Variants in GBP4 observed in about 807,000 individuals in gnomAD.
The protein encoded by GBP4 is guanylate-binding protein 4.
GBP4 carries 69 observed loss-of-function variants against 62.2 expected under a neutral mutation model. The ratio of observed to expected loss-of-function variants is 1.11; its 90% CI spans 0.91 to 1.36. The LOEUF is 1.36. Among genes scored for constraint, GBP4 ranks in the 40% most tolerant of loss-of-function variants. GBP4 has a pLI of 0.00. For synonymous variants in GBP4, 278 were observed against 274.6 expected (o/e 1.01, Z -0.12); for missense variants, 697 against 759.3 (o/e 0.92, Z 0.96).
rs1234787875 is a variant in GBP4 at position 89,186,535 on chromosome 1, CA to C, written c.1514-10del. On this transcript the variant is annotated splice_polypyrimidine_tract_variant and intron_variant, in intron 9 of 10. Coordinates refer to ENST00000355754, the MANE Select transcript of GBP4 (RefSeq NM_052941.5). ...CTTCATGGCCCGCTCCGCTATTCCACAAAGGTTTTAGAGAGGGAAGAAAATG... is the reference window on the plus strand; with the variant it reads ...CTTCATGGCCCGCTCCGCTATTCCACAAGGTTTTAGAGAGGGAAGAAAATG... The C allele has an allele frequency of 1.9e-6, 3 of 1,612,976 alleles. No homozygotes were observed. The Admixed American group carries it at 5.0e-5, about 27-fold the overall frequency.
At chr1:89,195,146 G>A in intron 3 of GBP4, 151 bp downstream of exon 3, 1 of 746,062 alleles carries the variant, frequency 1.3e-6, no homozygotes, top group Non-Finnish European at 2.2e-6. Flanking sequence ...CTCAATACTT[G>A]AAATTAATAA....
chr1:89,191,987 A>G (rs142218552), intron 5 of GBP4, among the ~76,000 whole-genome samples: 45 of 152,346 alleles, frequency 3.0e-4, no homozygotes, highest in African/African-American at 1.0e-3. Flanking sequence ...AATAAAAAGT[A>G]TTTCAAAACC....
intron 8 of GBP4, among the ~76,000 whole-genome samples, chr1:89,188,037 C>T (rs683100): frequency 0.42 from 63,575 of 151,902 alleles, 14,621 homozygotes; most frequent in Non-Finnish European, 0.52. Flanking sequence ...CTTTATTAAC[C>T]TCTCCATGCA....
At chr1:89,198,297 A>C (rs1648401555) in intron 1 of GBP4, among the ~76,000 whole-genome samples, 1 of 152,002 alleles carries the variant, frequency 6.6e-6, no homozygotes, top group South Asian at 2.1e-4. Context: ...GTCAGCTTGC[A>C]CAAGTTAAGT....
intron 5 of GBP4, among the ~76,000 whole-genome samples, chr1:89,192,071 A>C (rs12069631): frequency 0.1 from 15,203 of 152,268 alleles, 1,749 homozygotes; most frequent in African/African-American, 0.28. Flanking sequence ...TAAAGTTAAT[A>C]CAGATATAAC....
rs1570378773 is a variant in GBP4, at chr1:89,196,965, A to G, written c.235+145T>C. The G allele has an allele frequency of 1.2e-5, 7 of 575,206 alleles. No individual in the cohort carries two copies. The East Asian group carries it at 2.1e-4, about 17-fold the overall frequency. The allele number at this position is 575,206 out of a possible 1,614,324, so 35.6% of individuals were successfully genotyped here. A position where few individuals can be genotyped will look rare whatever the true frequency, so the allele number is the denominator to read the frequency against. ...TGGACTAAAGAGTGATATATATTTG[A>G]GATTGTAAATTTAGTGGTGAGAATT... On this transcript the variant is annotated intron_variant, in intron 2 of 10. Coordinates refer to ENST00000355754, the MANE Select transcript of GBP4 (RefSeq NM_052941.5).
rs17130745 is a variant in GBP4 at position 89,193,403 on chromosome 1, T to C, written c.373A>G (p.Lys125Glu). 2,129 of 1,613,664 alleles carry C rather than the reference T, an allele frequency of 1.3e-3. 43 individuals are homozygous for C. In the East Asian group the frequency reaches 0.043, roughly 32 times the overall value. Residue 125 changes from lysine to glutamate, a missense_variant, in exon 4 of 11, where the codon AAG (lysine) becomes GAG (glutamate). Transcript: ENST00000355754. ...AGGGCAAAGATCCACGAGTCATTCTTAGGGTTACTCTAGAAAGCATATAAA... is the reference window on the plus strand; with the variant it reads ...AGGGCAAAGATCCACGAGTCATTCTCAGGGTTACTCTAGAAAGCATATAAA... ...GLGDVEKSNP[K>E]NDSWIFALAV...
At chr1:89,189,548 G>C (rs1013078129) in intron 7 of GBP4, among the ~76,000 whole-genome samples, 1 of 152,236 alleles carries the variant, frequency 6.6e-6, no homozygotes, top group Non-Finnish European at 1.5e-5. Flanking sequence ...GAAATGGAGT[G>C]TGCCCTGTTG....
In GBP4 at chr1:89,198,870, G is replaced by A. The variant is rs780280041; in HGVS notation, c.-36C>T. 1.9e-6 allele frequency: 3 copies of A among 1,605,286 alleles called. No individual in the cohort carries two copies. The highest frequency in any genetic ancestry group is 2.6e-6 in the Non-Finnish European group (3 of 1,171,910). On this transcript the variant is annotated 5_prime_UTR_variant, in exon 1 of 11. Coordinates refer to ENST00000355754, the MANE Select transcript of GBP4 (RefSeq NM_052941.5). Reference sequence around the variant, plus strand: ...TCCTGCGCCTGGATCCTCGAGAAACGGACTGTTCTTAGAAGCTGAAAGTCC... The same window carrying A: ...TCCTGCGCCTGGATCCTCGAGAAACAGACTGTTCTTAGAAGCTGAAAGTCC...
chr1:89,186,939 C>G, intron 9 of GBP4, 61 bp downstream of exon 9: 1 of 1,434,400 alleles, frequency 7.0e-7, no homozygotes, highest in South Asian at 1.2e-5. Flanking sequence ...TCAGTGTGAT[C>G]AGCAAGAAGG....
At chr1:89,188,417 TAA>T (rs1199375552) in intron 8 of GBP4, among the ~76,000 whole-genome samples, 163 bp downstream of exon 8, 1 of 152,214 alleles carries the variant, frequency 6.6e-6, no homozygotes, top group Non-Finnish European at 1.5e-5. Flanking sequence ...TCTGATTTCT[TAA>T]GAGTGTCTAA....
chr1:89,196,087 C>T (rs796153576), intron 2 of GBP4, among the ~76,000 whole-genome samples: 23 of 152,126 alleles, frequency 1.5e-4, no homozygotes, highest in African/African-American at 5.5e-4. Flanking sequence ...GAATATTACA[C>T]AAAGGAAGAT....
rs368773556 is a variant in GBP4 at position 89,197,597 on chromosome 1, G to A, written c.41-293C>T. 3.7e-4 allele frequency among the ~76,000 whole-genome samples: 56 copies of A among 152,220 alleles called. 6 individuals are homozygous for A. Among genetic ancestry groups the A allele is most frequent in the Admixed American group, 9.2e-4 (14 of 15,290 alleles). On this transcript the variant is annotated intron_variant, in intron 1 of 10. Transcript: ENST00000355754. The stretch of plus-strand genomic sequence containing the variant: ...AAGAACGCTAAAAATGCCTTGTCAA[G>A]GTGATGCATAAAATAAACAGAATTA...
chr1:89,197,122 C>T lies in GBP4; in HGVS notation c.223G>A (p.Gly75Arg), dbSNP rs1469996327. 6.2e-7 allele frequency: 1 copy of T among 1,612,728 alleles called. No homozygotes were observed. Among genetic ancestry groups the T allele is most frequent in the South Asian group, 1.1e-5 (1 of 90,870 alleles). Residue 75 changes from glycine to arginine, a missense_variant, in exon 2 of 11, where the codon GGA becomes AGA. Physicochemically the swap from Gly to Arg is moderately radical, Grantham distance 125. Around this residue, in one of 2 missense-constraint regions of GBP4, gnomAD observed 556 missense variants for 562.7 expected, o/e 0.99. Transcript: ENST00000355754. ...GGACCACACTCACCATTGCGCTTTC[C>T]TGCAAGACGATTCATGAGATAGGAT... ...GKSYLMNRLA[G>R]KRNGFPLGST... is the part of the protein sequence containing the mutation.
intron 1 of GBP4, among the ~76,000 whole-genome samples, 154 bp from the exon 2 acceptor site, chr1:89,197,458 G>GGTATATAAAATTTCTAT (rs1648377837): frequency 6.6e-6 from 1 of 150,996 alleles, no homozygotes. Context: ...TACGTTTAAT[G>GGTATATAAAATTTCTAT]GTATATAAAA....
In GBP4 at chr1:89,190,026, T is replaced by A. The variant is rs781155764; in HGVS notation, c.1197+12A>T. ...AAGGGCAGAAATCAGGAAGGATAAATGCTAAAAGTACCACAAGCTTCTTCT... is the reference window on the plus strand; with the variant it reads ...AAGGGCAGAAATCAGGAAGGATAAAAGCTAAAAGTACCACAAGCTTCTTCT... On this transcript the variant is annotated intron_variant, in intron 7 of 10. Transcript: ENST00000355754. 3 of 1,598,832 alleles carry A rather than the reference T, an allele frequency of 1.9e-6. No homozygotes were observed. Among genetic ancestry groups the A allele is most frequent in the African/African-American group, 2.7e-5 (2 of 74,532 alleles).
chr1:89,198,917 AG>A lies in GBP4; in HGVS notation c.-84del. 1 of 1,306,510 alleles carries A rather than the reference AG, an allele frequency of 7.7e-7. No individual in the cohort carries two copies. The allele number at this position is 1,306,510 out of a possible 1,614,324, so 80.9% of individuals were successfully genotyped here. Reference sequence around the variant, plus strand: ...GTCCAGCCGGATTTACAGACATCCAAGTAAGAGTCTGTGAGAACCGAAATTG... The same window carrying A: ...GTCCAGCCGGATTTACAGACATCCAATAAGAGTCTGTGAGAACCGAAATTG... On this transcript the variant is annotated 5_prime_UTR_variant, in exon 1 of 11. Transcript: ENST00000355754.
At chr1:89,189,874 A>T (rs555336912) in intron 7 of GBP4, among the ~76,000 whole-genome samples, 164 bp downstream of exon 7, 2 of 152,300 alleles carry the variant, frequency 1.3e-5, no homozygotes, top group Admixed American at 1.3e-4. Flanking sequence ...AAAAAGTGAC[A>T]ATCCTCTAGA....
chr1:89,195,529 A>C, intron 2 of GBP4, 105 bp from the exon 3 acceptor site: 3 of 1,365,832 alleles, frequency 2.2e-6, no homozygotes, highest in Non-Finnish European at 3.0e-6. Context: ...CTGACAGGGG[A>C]AAAGGGTTGT....
Sources: gnomAD v4.1 joint callset for allele counts (sites outside exome capture counted in the v4.1 genomes callset) on GRCh38, gnomAD v4.1.1 for gene constraint, gnomAD v4.1.1 regional missense constraint, MANE v1.5 for transcripts, NCBI Gene and HGNC (gene_info 2026-07-23, HGNC 2026-07-21) for gene names.